TTC39A: variants seen among roughly 807,000 people sequenced by gnomAD.
The protein encoded by TTC39A is tetratricopeptide repeat protein 39A.
Under a neutral mutation model 82.3 loss-of-function variants are expected in TTC39A, and 46 were observed. The ratio of observed to expected loss-of-function variants is 0.56; its 90% CI spans 0.44 to 0.71. TTC39A has a LOEUF of 0.71. Among genes scored for constraint, TTC39A ranks in the 30% least tolerant of loss-of-function variants. The probability of loss-of-function intolerance (pLI) is 0.00; values close to 1 mark genes in which losing one functional copy is unlikely to be tolerated. For synonymous variants in TTC39A, 254 were observed against 275.2 expected (o/e 0.92, Z 0.76); for missense variants, 543 against 712.9 (o/e 0.76, Z 2.71).
chr1:51,318,293 G>A (rs1645369202), intron 2 of TTC39A, among the ~76,000 whole-genome samples: 1 of 152,188 alleles, frequency 6.6e-6, no homozygotes, highest in South Asian at 2.1e-4. Context: ...GACTAGGGGA[G>A]AAGCAGGAGC....
At chr1:51,297,275 G>A (rs949129323) in intron 12 of TTC39A, 1 of 152,560 alleles carries the variant, frequency 6.6e-6, no homozygotes, top group Non-Finnish European at 1.5e-5. Context: ...GGAGTGCTAT[G>A]GCGCGATCTC....
chr1:51,302,509 A>C lies in TTC39A; in HGVS notation c.828T>G (p.Pro276=). 1 of 1,609,590 alleles carries C rather than the reference A, an allele frequency of 6.2e-7. No individual in the cohort carries two copies. Among genetic ancestry groups the C allele is most frequent in the South Asian group, 1.1e-5 (1 of 89,962 alleles). The change falls in exon 10 of 18, where the codon CCT becomes CCG. Residue 276 remains proline (P), a synonymous_variant. Transcript: ENST00000680483. Reference sequence around the variant, plus strand: ...CCGGGCAGCACATGGGGCTCACCTTAGGGTACCGGTTCAGGTAGGGCTTCA... The same window carrying C: ...CCGGGCAGCACATGGGGCTCACCTTCGGGTACCGGTTCAGGTAGGGCTTCA... The part of the protein sequence containing the change: ...KLLKPYLNRY[P]KGAIFLFFAG...
At chr1:51,328,212 C>T (rs143611693) in intron 1 of TTC39A, among the ~76,000 whole-genome samples, 1 of 152,090 alleles carries the variant, frequency 6.6e-6, no homozygotes, top group Non-Finnish European at 1.5e-5. Flanking sequence ...TATTTAAGAT[C>T]GAGTGCACAT....
In TTC39A at chr1:51,303,209, G is replaced by A; in HGVS notation, c.655-17C>T. On this transcript the variant is annotated splice_polypyrimidine_tract_variant and intron_variant, in intron 8 of 17. Coordinates refer to ENST00000680483, the MANE Select transcript of TTC39A (RefSeq NM_001297663.2). ...CCCATAGTCCTGAGGGGATGGGAGGGTGGGTGAGGCTCCCAGAGAGGGCAG... is the reference window on the plus strand; with the variant it reads ...CCCATAGTCCTGAGGGGATGGGAGGATGGGTGAGGCTCCCAGAGAGGGCAG... The A allele has an allele frequency of 2.1e-6, 3 of 1,432,826 alleles. No individual in the cohort carries two copies. Among genetic ancestry groups the A allele is most frequent in the Admixed American group, 2.0e-5 (1 of 50,932 alleles). The allele number at this position is 1,432,826 out of a possible 1,614,324, so 88.8% of individuals were successfully genotyped here. A position where few individuals can be genotyped will look rare whatever the true frequency, so the allele number is the denominator to read the frequency against.
intron 1 of TTC39A, among the ~76,000 whole-genome samples, chr1:51,324,129 G>C (rs1476166150): frequency 6.6e-6 from 1 of 152,182 alleles, no homozygotes; most frequent in Non-Finnish European, 1.5e-5. Context: ...CCCAAAGTTT[G>C]TGTGATGGCA....
intron 1 of TTC39A, 200 bp from the exon 2 acceptor site, chr1:51,322,025 G>A (rs372004484): frequency 1.1e-5 from 17 of 1,484,650 alleles, no homozygotes; most frequent in African/African-American, 9.8e-5. Context: ...GGGTGGGAGG[G>A]GGAGCAGAAG....
At chr1:51,312,057 C>T in intron 4 of TTC39A, 62 bp downstream of exon 4, 1 of 1,538,662 alleles carries the variant, frequency 6.5e-7, no homozygotes, top group Non-Finnish European at 8.8e-7. Context: ...ACTGCCCCTT[C>T]CTGGGCCTGG....
In TTC39A at chr1:51,325,147, C is replaced by T. The variant is rs563247867; in HGVS notation, c.42-3322G>A. ...CATATGCCTGTAATCCCAACTACTA[C>T]GGAGGATGAGGCAAGAGAATCGCTT... On this transcript the variant is annotated intron_variant, in intron 1 of 17. Transcript: ENST00000680483. Among the ~76,000 whole-genome samples the T allele has an allele frequency of 1.3e-3, 192 of 151,494 alleles. 1 individual carries two copies. The highest frequency in any genetic ancestry group is 4.4e-3 in the African/African-American group (182 of 41,286).
intron 1 of TTC39A, among the ~76,000 whole-genome samples, chr1:51,339,225 G>C (rs765700130): frequency 2.0e-5 from 3 of 152,110 alleles, no homozygotes; most frequent in Non-Finnish European, 2.9e-5. Context: ...CAAAAGGAAC[G>C]GGGTGTCTTA....
At chr1:51,306,306 C>A (rs1365737488) in intron 6 of TTC39A, among the ~76,000 whole-genome samples, 1 of 152,226 alleles carries the variant, frequency 6.6e-6, no homozygotes, top group Non-Finnish European at 1.5e-5. Flanking sequence ...CAGCCATGGG[C>A]AGCTTCTGGA....
At chr1:51,322,062 G>T in intron 1 of TTC39A, 3 of 1,538,502 alleles carry the variant, frequency 1.9e-6, no homozygotes, top group Non-Finnish European at 1.8e-6. Flanking sequence ...TCTGTTGGAG[G>T]TGGGGGAGGG....
At chr1:51,302,619 G>T in intron 9 of TTC39A, 46 bp from the exon 10 acceptor site, 1 of 1,562,458 alleles carries the variant, frequency 6.4e-7, no homozygotes, top group South Asian at 1.2e-5. Flanking sequence ...ACCACCCCTG[G>T]CTCCTGTGAT....
chr1:51,313,757 G>T (rs1244990858), intron 2 of TTC39A, among the ~76,000 whole-genome samples: 2 of 152,218 alleles, frequency 1.3e-5, no homozygotes, highest in East Asian at 3.8e-4. Flanking sequence ...CCAGCACTCT[G>T]GGAGGGCAAG....
chr1:51,291,628 CAA>C (rs58825279), intron 14 of TTC39A, among the ~76,000 whole-genome samples: 5,112 of 49,662 alleles, frequency 0.1, 186 homozygotes, highest in African/African-American at 0.2. Context: ...CCATCTCCAC[CAA>C]AAAAAAAAAA....
chr1:51,320,377 T>C (rs187300485), intron 2 of TTC39A, among the ~76,000 whole-genome samples: 33 of 151,870 alleles, frequency 2.2e-4, no homozygotes, highest in Admixed American at 5.9e-4. Flanking sequence ...AAATACTGAT[T>C]CTTTCTTTCT....
upstream of TTC39A, chr1:51,334,975 T>G (rs1436714097): frequency 6.6e-6 from 1 of 152,360 alleles, no homozygotes; most frequent in Non-Finnish European, 1.5e-5. Flanking sequence ...TCATCATTTC[T>G]GCCTCCCCAA....
intron 1 of TTC39A, among the ~76,000 whole-genome samples, chr1:51,341,140 C>A (rs901393142): frequency 6.6e-6 from 1 of 152,124 alleles, no homozygotes; most frequent in African/African-American, 2.4e-5. Context: ...CCAGCCTGGG[C>A]GACAAGAGTG....
At position 51,294,475 on chromosome 1, in the gene TTC39A, T is replaced by C. The variant is rs41287288; in HGVS notation, c.1182A>G (p.Lys394=). The C allele has an allele frequency of 0.021, 33,794 of 1,613,786 alleles. 517 individuals carry two copies. Among genetic ancestry groups the C allele is most frequent in the Non-Finnish European group, 0.023 (27,250 of 1,179,848 alleles). Residue 394 remains lysine (K), a synonymous_variant, in exon 14 of 18, where the codon AAA becomes AAG. Coordinates refer to ENST00000680483, the MANE Select transcript of TTC39A (RefSeq NM_001297663.2). This position sits in a 1 kb window ranked among gnomAD's most constrained non-coding sequence, Gnocchi z 4.3. ...VPGLKLKIAG[K]SLPTEKFAIR... ...TGGCAAACTTCTCTGTGGGTAGAGA[T>C]TTCCCAGCAATCTTGAGCTTCAGGC...
At chr1:51,331,262 T>TG (rs1346871484), upstream of TTC39A, 13 of 1,547,336 alleles carry the variant, frequency 8.4e-6, no homozygotes, top group Non-Finnish European at 1.1e-5. Context: ...AGTGCCTGTG[T>TG]GGGGGTCACC....
Sources: allele counts gnomAD v4.1 joint callset (sites outside exome capture counted in the v4.1 genomes callset), GRCh38; gene constraint gnomAD v4.1.1; non-coding constraint Gnocchi (gnomAD v3.1); transcripts MANE v1.5; gene names NCBI Gene and HGNC (gene_info 2026-07-23, HGNC 2026-07-21).